HS3ST5: variants seen among roughly 807,000 people sequenced by gnomAD.
HS3ST5 encodes heparan sulfate glucosamine 3-O-sulfotransferase 5.
HS3ST5 carries 10 observed loss-of-function variants against 25.4 expected under a neutral mutation model. The ratio of observed to expected loss-of-function variants is 0.39; its 90% confidence interval spans 0.24 to 0.67. The LOEUF is 0.67. HS3ST5 is among the 30% of genes least tolerant of loss of function. The pLI is 0.44. For missense variants in HS3ST5, 324 were observed against 420.7 expected (o/e 0.77, Z 2.01); for synonymous variants, 170 against 162.4 (o/e 1.05, Z -0.36).
At chr6:114,325,497 T>C (rs995285239) in intron 1 of HS3ST5, among the ~76,000 whole-genome samples, 24 of 152,298 alleles carry the variant, frequency 1.6e-4, no homozygotes, top group Admixed American at 1.3e-3. Flanking sequence ...ATTTGGGATA[T>C]AACTGTTGAA....
intron 1 of HS3ST5, among the ~76,000 whole-genome samples, chr6:114,238,005 T>A (rs978406365): frequency 6.6e-6 from 1 of 152,182 alleles, no homozygotes; most frequent in Admixed American, 6.5e-5. Context: ...CAATTTAGAA[T>A]CCTAAGCTTT....
At chr6:114,317,911 C>G (rs1775807610) in intron 1 of HS3ST5, among the ~76,000 whole-genome samples, 1 of 152,100 alleles carries the variant, frequency 6.6e-6, no homozygotes, top group Non-Finnish European at 1.5e-5. Context: ...CACACATCAA[C>G]AAGAGAAAAT....
intron 3 of HS3ST5, among the ~76,000 whole-genome samples, chr6:114,085,934 GC>G (rs377436068): frequency 0.027 from 2,645 of 98,824 alleles, 126 homozygotes; most frequent in African/African-American, 0.076. Flanking sequence ...TAAATTCATT[GC>G]CCCCCCCCCC....
intron 2 of HS3ST5, among the ~76,000 whole-genome samples, chr6:114,174,138 A>G (rs1275534673): frequency 6.6e-6 from 1 of 151,850 alleles, no homozygotes; most frequent in Non-Finnish European, 1.5e-5. Flanking sequence ...GCTGCTTTCA[A>G]TGCCTTGAAT....
intron 3 of HS3ST5, among the ~76,000 whole-genome samples, chr6:114,080,811 A>C (rs1458647656): frequency 1.3e-5 from 2 of 152,194 alleles, no homozygotes; most frequent in East Asian, 3.8e-4. Context: ...GCAAGGATTG[A>C]AAAACTAACT....
At chr6:114,339,285 G>C (rs1263649640) in intron 1 of HS3ST5, among the ~76,000 whole-genome samples, 1 of 152,050 alleles carries the variant, frequency 6.6e-6, no homozygotes, top group Non-Finnish European at 1.5e-5. Flanking sequence ...CCTTTTACTA[G>C]GAAGTTACCT....
At chr6:114,330,538 C>A (rs1776351651) in intron 1 of HS3ST5, among the ~76,000 whole-genome samples, 1 of 152,194 alleles carries the variant, frequency 6.6e-6, no homozygotes, top group Non-Finnish European at 1.5e-5. Context: ...ATGCGTCCAA[C>A]CTTCTGGTTT....
chr6:114,151,413 C>T (rs1001384278), intron 3 of HS3ST5, among the ~76,000 whole-genome samples: 1 of 152,126 alleles, frequency 6.6e-6, no homozygotes. Context: ...GTTTTAGGCC[C>T]GCTGACTCTT....
intron 1 of HS3ST5, among the ~76,000 whole-genome samples, chr6:114,250,535 C>T (rs1325809767): frequency 2.0e-5 from 3 of 150,608 alleles, no homozygotes; most frequent in African/African-American, 4.9e-5. Flanking sequence ...GAGCCAAGAT[C>T]ACGCCACTGC....
At chr6:114,254,260 C>G (rs547176690) in intron 1 of HS3ST5, among the ~76,000 whole-genome samples, 1 of 152,292 alleles carries the variant, frequency 6.6e-6, no homozygotes, top group South Asian at 2.1e-4. Flanking sequence ...CTGAACCTCC[C>G]AAATGAATGT....
chr6:114,306,256 T>TATATACACAC (rs756494412), intron 1 of HS3ST5, among the ~76,000 whole-genome samples: 76 of 115,402 alleles, frequency 6.6e-4, no homozygotes, highest in African/African-American at 2.0e-3. Flanking sequence ...TATATATATA[T>TATATACACAC]ACACACACAC....
At chr6:114,259,019 T>A (rs1773053670) in intron 1 of HS3ST5, among the ~76,000 whole-genome samples, 2 of 152,234 alleles carry the variant, frequency 1.3e-5, no homozygotes, top group African/African-American at 4.8e-5. Context: ...TTTCTCCTTG[T>A]ATAAGACATG....
intron 1 of HS3ST5, among the ~76,000 whole-genome samples, chr6:114,311,539 C>CTTT (rs11463610): frequency 0.06 from 5,061 of 84,862 alleles, 380 homozygotes; most frequent in African/African-American, 0.12. Context: ...TTCTCTCTCT[C>CTTT]TTTTTTTTTT....
intron 3 of HS3ST5, among the ~76,000 whole-genome samples, chr6:114,099,246 A>C (rs970389049): frequency 6.6e-6 from 1 of 152,128 alleles, no homozygotes; most frequent in Non-Finnish European, 1.5e-5. Context: ...AAGAAGTACA[A>C]GTTAATTTTA....
chr6:114,305,019 T>C (rs1204259719), intron 1 of HS3ST5, among the ~76,000 whole-genome samples: 1 of 152,130 alleles, frequency 6.6e-6, no homozygotes, highest in Non-Finnish European at 1.5e-5. Context: ...AAAGATTAGT[T>C]GCAATGTGAA....
At chr6:114,091,537 AGCTG>A (rs1291346204) in intron 3 of HS3ST5, among the ~76,000 whole-genome samples, 3 of 151,836 alleles carry the variant, frequency 2.0e-5, no homozygotes, top group Non-Finnish European at 4.4e-5. Context: ...ACAGAAAATT[AGCTG>A]GGCATCGTGG....
At chr6:114,309,664 C>T (rs538730272) in intron 1 of HS3ST5, among the ~76,000 whole-genome samples, 8 of 152,200 alleles carry the variant, frequency 5.3e-5, no homozygotes, top group Non-Finnish European at 8.8e-5. Context: ...ACCCAGAAGG[C>T]GGAGGTTGCA....
intron 4 of HS3ST5, among the ~76,000 whole-genome samples, chr6:114,061,748 G>A (rs184519768): frequency 3.3e-5 from 5 of 152,192 alleles, no homozygotes; most frequent in African/African-American, 7.2e-5. Flanking sequence ...TCAGGAGTTC[G>A]AAACCAGCCT....
intron 1 of HS3ST5, among the ~76,000 whole-genome samples, chr6:114,254,748 C>T (rs1253255802): frequency 6.6e-6 from 1 of 152,092 alleles, no homozygotes; most frequent in Non-Finnish European, 1.5e-5. Context: ...GGGGTTTCCC[C>T]TTATAAAACC....
Sources: allele counts gnomAD v4.1 joint callset (sites outside exome capture counted in the v4.1 genomes callset), GRCh38; gene constraint gnomAD v4.1.1; transcripts MANE v1.5; gene names NCBI Gene and HGNC (gene_info 2026-07-23, HGNC 2026-07-21).